The following AOX1 variants were observed in gnomAD, a reference collection of about 807,000 sequenced individuals.
AOX1 encodes aldehyde oxidase.
AOX1 carries 153 observed loss-of-function variants against 169.5 expected under a neutral mutation model. The ratio of observed to expected loss-of-function variants is 0.90; its 90% CI spans 0.79 to 1.03. The LOEUF (loss-of-function observed/expected upper bound fraction) is 1.03, where lower values mean the gene tolerates loss of function less well. Among genes scored for constraint, AOX1 ranks in the 50% least tolerant of loss-of-function variants. The pLI, the probability that AOX1 is intolerant of heterozygous loss-of-function variation, is 0.00. For synonymous variants in AOX1, 562 were observed against 581.9 expected (o/e 0.97, Z 0.49); for missense variants, 1,656 against 1,663.9 (o/e 1.00, Z 0.08).
chr2:200,651,416 A>C (rs929677549), intron 26 of AOX1, among the ~76,000 whole-genome samples: 1 of 152,228 alleles, frequency 6.6e-6, no homozygotes, highest in African/African-American at 2.4e-5. Context: ...GTTGGTCAAA[A>C]ACATTCTTGC....
In AOX1 at chr2:200,662,886, G is replaced by A; in HGVS notation, c.3460G>A (p.Gly1154Ser). 6.2e-7 allele frequency: 1 copy of A among 1,614,058 alleles called. No homozygotes were observed. Among genetic ancestry groups the A allele is most frequent in the Non-Finnish European group, 8.5e-7 (1 of 1,179,934 alleles). ...TGAGTCAGACATGAACTGGGAGAAA[G>A]GCGAAGGCCAGCCCTTCGAATACTT... ...GYESDMNWEKGEGQPFEYFVY... is the reference protein window; with the variant it reads ...GYESDMNWEKSEGQPFEYFVY... The change falls in exon 31 of 35, where the codon GGC becomes AGC. Residue 1154 changes from glycine (G) to serine (S), a missense_variant. Transcript: ENST00000374700.
At chr2:200,612,037 A>G (rs924572768) in intron 13 of AOX1, among the ~76,000 whole-genome samples, 7 of 151,658 alleles carry the variant, frequency 4.6e-5, no homozygotes, top group African/African-American at 1.5e-4. Flanking sequence ...TTCTCCCCCT[A>G]CCCCAAGCTC....
Position 200,586,127 on chromosome 2 carries a change from C to G in AOX1, c.19C>G (p.Leu7Val). The G allele has an allele frequency of 6.4e-7, 1 of 1,565,896 alleles. No homozygotes were observed. Among genetic ancestry groups the G allele is most frequent in the South Asian group, 1.2e-5 (1 of 84,922 alleles). The change falls in exon 1 of 35, where the codon CTG becomes GTG. Residue 7 changes from leucine (L) to valine (V), a missense_variant. Physicochemically the swap from Leu to Val is conservative, Grantham distance 32. Coordinates refer to ENST00000374700, the MANE Select transcript of AOX1 (RefSeq NM_001159.4). Reference sequence around the variant, plus strand: ...CACCACAATGGACCGGGCGTCCGAGCTGCTCTTCTACGTGAACGGCCGCAA... The same window carrying G: ...CACCACAATGGACCGGGCGTCCGAGGTGCTCTTCTACGTGAACGGCCGCAA... MDRASELLFYVNGRKVI... is the reference protein window; with the variant it reads MDRASEVLFYVNGRKVI...
chr2:200,601,118 G>A (rs16833843), intron 5 of AOX1, among the ~76,000 whole-genome samples: 170 of 145,166 alleles, frequency 1.2e-3, no homozygotes, highest in African/African-American at 4.1e-3. Context: ...AGAATGAGGG[G>A]TTTTTTCCTT....
At chr2:200,623,812 G>A in intron 18 of AOX1, 49 bp from the exon 19 acceptor site, 1 of 1,610,952 alleles carries the variant, frequency 6.2e-7, no homozygotes, top group Admixed American at 1.7e-5. Flanking sequence ...ATAAAAGAGA[G>A]GACCTGATGC....
chr2:200,657,165 A>ATAT (rs2035706456), intron 27 of AOX1, among the ~76,000 whole-genome samples: 7 of 88,364 alleles, frequency 7.9e-5, no homozygotes, highest in African/African-American at 3.7e-4. Flanking sequence ...CTCTACCAAA[A>ATAT]ATATATATAT....
intron 5 of AOX1, among the ~76,000 whole-genome samples, chr2:200,601,479 A>T (rs1291015902): frequency 1.3e-5 from 2 of 152,208 alleles, no homozygotes; most frequent in Non-Finnish European, 2.9e-5. Context: ...TGAATAAATA[A>T]ATAAATGATG....
At position 200,670,882 on chromosome 2, in the gene AOX1, T is replaced by G. The variant is rs763089880; in HGVS notation, c.*203T>G. On this transcript the variant is annotated 3_prime_UTR_variant, in exon 35 of 35. Coordinates refer to ENST00000374700, the MANE Select transcript of AOX1 (RefSeq NM_001159.4). The stretch of plus-strand genomic sequence containing the variant: ...TGCTTAAGCAATCTATAAATCATTT[T>G]CAATGTTATAAACACTAATTGGTTT... 23 of 509,904 alleles carry G rather than the reference T, an allele frequency of 4.5e-5. No homozygotes were observed. Among genetic ancestry groups the G allele is most frequent in the Non-Finnish European group, 8.0e-5 (23 of 286,822 alleles). The allele number at this position is 509,904 out of a possible 1,614,324, so 31.6% of individuals were successfully genotyped here.
intron 32 of AOX1, among the ~76,000 whole-genome samples, chr2:200,668,095 TTTA>T (rs1390275542): frequency 1.3e-5 from 2 of 150,732 alleles, no homozygotes; most frequent in Admixed American, 6.6e-5. Context: ...ATGATTTTTA[TTTA>T]TTATTATTAT....
intron 15 of AOX1, 112 bp downstream of exon 15, chr2:200,614,078 A>T (rs2034700325): frequency 9.8e-7 from 1 of 1,021,938 alleles, no homozygotes; most frequent in East Asian, 2.5e-5. Flanking sequence ...GACAATCCAC[A>T]TTAGAAACAC....
intron 12 of AOX1, among the ~76,000 whole-genome samples, chr2:200,609,811 A>G (rs2034597224): frequency 1.3e-5 from 2 of 152,226 alleles, no homozygotes. Flanking sequence ...CACTTAATTT[A>G]TCATTGATGG....
intron 17 of AOX1, 140 bp from the exon 18 acceptor site, chr2:200,620,980 C>A: frequency 7.6e-7 from 1 of 1,313,028 alleles, no homozygotes. Flanking sequence ...ACTACAACTT[C>A]GTTGTCCCAA....
intron 26 of AOX1, among the ~76,000 whole-genome samples, chr2:200,651,482 G>A (rs1443967250): frequency 6.6e-6 from 1 of 152,146 alleles, no homozygotes; most frequent in East Asian, 1.9e-4. Context: ...GTTGGCAAAT[G>A]GCAGCTGAGT....
chr2:200,667,324 C>T (rs2035939794), intron 32 of AOX1, among the ~76,000 whole-genome samples: 1 of 152,062 alleles, frequency 6.6e-6, no homozygotes, highest in African/African-American at 2.4e-5. Context: ...CCTTTAGAGT[C>T]CCACACTCTC....
intron 26 of AOX1, 85 bp downstream of exon 26, chr2:200,651,286 C>A: frequency 1.8e-6 from 2 of 1,132,266 alleles, no homozygotes; most frequent in African/African-American, 1.5e-5. Context: ...CTCCTTAAGT[C>A]ATATTAGCCA....
downstream of AOX1, among the ~76,000 whole-genome samples, chr2:200,675,906 T>C (rs972265727): frequency 1.3e-4 from 19 of 147,740 alleles, no homozygotes; most frequent in African/African-American, 4.7e-4. Flanking sequence ...TTGAAAGTAA[T>C]GGCAAATACT....
chr2:200,603,449 C>T (rs964215185), intron 7 of AOX1, 93 bp downstream of exon 7: 1 of 955,522 alleles, frequency 1.0e-6, no homozygotes, highest in Non-Finnish European at 1.6e-6. Flanking sequence ...CCCAAGTTGA[C>T]TAACTTGAGG....
At position 200,593,135 on chromosome 2, in the gene AOX1, C is replaced by G. The variant is rs755706342; in HGVS notation, c.46-11C>G. On this transcript the variant is annotated splice_polypyrimidine_tract_variant and intron_variant, in intron 1 of 34. Transcript: ENST00000374700. ...CTCTCTCAACTAACTCTTATTTTCC[C>G]TTTGGTATAGGTGATAGAAAAAAAT... The G allele has an allele frequency of 6.2e-7, 1 of 1,609,318 alleles. No homozygotes were observed. Among genetic ancestry groups the G allele is most frequent in the Non-Finnish European group, 8.5e-7 (1 of 1,176,106 alleles).
At chr2:200,657,553 G>C (rs769237438) in intron 27 of AOX1, among the ~76,000 whole-genome samples, 2 of 152,076 alleles carry the variant, frequency 1.3e-5, no homozygotes, top group Non-Finnish European at 2.9e-5. Context: ...TGGATATAGT[G>C]ACAGTTGAGT....
Sources: gnomAD v4.1 joint callset for allele counts (sites outside exome capture counted in the v4.1 genomes callset) on GRCh38, gnomAD v4.1.1 for gene constraint, MANE v1.5 for transcripts, NCBI Gene and HGNC (gene_info 2026-07-23, HGNC 2026-07-21) for gene names.